The following RYR2 variants were observed in gnomAD, a reference collection of about 807,000 sequenced individuals.
RYR2 encodes the protein ryanodine receptor 2, also known as cardiac muscle ryanodine receptor-calcium release channel.
Under a neutral mutation model 601.1 loss-of-function variants are expected in RYR2, and 227 were observed. That is an observed-to-expected ratio of 0.38 (90% CI 0.34 to 0.42). RYR2 has a LOEUF of 0.42. RYR2 is among the 10% of genes least tolerant of loss of function. The pLI, the probability that RYR2 is intolerant of heterozygous loss-of-function variation, is 1.00. For missense variants in RYR2, 4,646 were observed against 6,156.5 expected, an observed-to-expected ratio of 0.75 and a Z score of 8.21; for synonymous variants, 2,223 against 2,175.1, an observed-to-expected ratio of 1.02 and a Z score of -0.61.
chr1:237,333,758 T>A (rs1302394659), intron 3 of RYR2: 6 of 354,812 alleles, frequency 1.7e-5, no homozygotes, highest in Non-Finnish European at 2.2e-5. Context: ...ATGGGGAATT[T>A]TTTTATCAAT....
chr1:237,122,932 A>G (rs1255842498), intron 1 of RYR2, among the ~76,000 whole-genome samples: 1 of 152,232 alleles, frequency 6.6e-6, no homozygotes, highest in Non-Finnish European at 1.5e-5. Flanking sequence ...AAGGGCTACA[A>G]TAAAATTTTC....
At position 237,700,435 on chromosome 1, in the gene RYR2, T is replaced by C. The variant is rs776735990; in HGVS notation, c.9335T>C (p.Ile3112Thr). 2 of 1,600,930 alleles carry C rather than the reference T, an allele frequency of 1.2e-6. No individual in the cohort carries two copies. Among genetic ancestry groups the C allele is most frequent in the East Asian group, 2.2e-5 (1 of 44,736 alleles). ...ATGCTGTCTTCATTATTTGAACATA[T>C]TGGCCAGCATCAGTTCGGAGAAGAC... is the stretch of plus-strand genomic sequence containing the variant. ...LPMLSSLFEHIGQHQFGEDLI... is the reference protein window; with the variant it reads ...LPMLSSLFEHTGQHQFGEDLI... The change falls in exon 65 of 105, where the codon ATT becomes ACT. Residue 3112 changes from isoleucine to threonine, a missense_variant. Ile to Thr is a moderately conservative substitution (Grantham distance 89). Transcript: ENST00000366574.
At chr1:237,325,837 TTTTTATGTGTGA>T (rs1387298046) in intron 2 of RYR2, among the ~76,000 whole-genome samples, 2 of 152,144 alleles carry the variant, frequency 1.3e-5, no homozygotes, top group East Asian at 1.9e-4. Flanking sequence ...CAAGGAGATG[TTTTTATGTGTGA>T]TTTTATGTGT....
At chr1:237,607,383 T>G (rs1677252695) in intron 35 of RYR2, among the ~76,000 whole-genome samples, 1 of 151,346 alleles carries the variant, frequency 6.6e-6, no homozygotes, top group Non-Finnish European at 1.5e-5. Context: ...ATGAAAACAC[T>G]TGGACACAGG....
At chr1:237,131,948 T>C (rs1672217126) in intron 1 of RYR2, among the ~76,000 whole-genome samples, 1 of 152,088 alleles carries the variant, frequency 6.6e-6, no homozygotes, top group African/African-American at 2.4e-5. Context: ...GGTCTCAAAC[T>C]CCTGGGCCCA....
intron 1 of RYR2, among the ~76,000 whole-genome samples, chr1:237,218,767 A>C (rs942525339): frequency 1.3e-5 from 2 of 152,094 alleles, no homozygotes; most frequent in African/African-American, 4.8e-5. Flanking sequence ...GGCTCCCCTC[A>C]TACAGTCAAG....
chr1:237,099,819 C>T (rs370647488), intron 1 of RYR2, among the ~76,000 whole-genome samples: 126 of 145,636 alleles, frequency 8.7e-4, no homozygotes, highest in African/African-American at 3.0e-3. Flanking sequence ...TTAATCTTTC[C>T]CCAAATATTA....
At position 237,777,662 on chromosome 1, in the gene RYR2, C is replaced by T. The variant is rs552426272; in HGVS notation, c.11776-1004C>T. On this transcript the variant is annotated intron_variant, in intron 87 of 104. Transcript: ENST00000366574. ...AAATTGGCTCCATGAAAACAGTCTGCGTGCTACAGCGGATCCACCCTAGTA... is the reference window on the plus strand; with the variant it reads ...AAATTGGCTCCATGAAAACAGTCTGTGTGCTACAGCGGATCCACCCTAGTA... 1.3e-4 allele frequency among the ~76,000 whole-genome samples: 20 copies of T among 152,140 alleles called. 1 individual carries two copies. Among genetic ancestry groups the T allele is most frequent in the African/African-American group, 2.4e-4 (10 of 41,432 alleles).
At chr1:237,328,803 G>T (rs1696414536) in intron 2 of RYR2, among the ~76,000 whole-genome samples, 1 of 152,112 alleles carries the variant, frequency 6.6e-6, no homozygotes. Context: ...AATGGTAGAG[G>T]TTCAATTTAA....
At chr1:237,264,406 T>C (rs1688832808) in intron 1 of RYR2, among the ~76,000 whole-genome samples, 1 of 152,200 alleles carries the variant, frequency 6.6e-6, no homozygotes, top group Non-Finnish European at 1.5e-5. Context: ...CAGTTCCTTA[T>C]TTGGCCAATC....
intron 12 of RYR2, among the ~76,000 whole-genome samples, chr1:237,425,044 A>G (rs1706004296): frequency 6.6e-6 from 1 of 152,206 alleles, no homozygotes; most frequent in Admixed American, 6.5e-5. Context: ...AAACATATTC[A>G]TTATTTAGAG....
intron 44 of RYR2, among the ~76,000 whole-genome samples, chr1:237,637,519 A>G (rs1365770291): frequency 6.6e-6 from 1 of 152,250 alleles, no homozygotes; most frequent in African/African-American, 2.4e-5. Context: ...AAGTAAAAGT[A>G]ACTGCTCAAA....
At chr1:237,062,039 G>A (rs937880042) in intron 1 of RYR2, among the ~76,000 whole-genome samples, 3 of 152,174 alleles carry the variant, frequency 2.0e-5, no homozygotes, top group East Asian at 1.9e-4. Context: ...AGTAAGTCAG[G>A]TGGCTGTAAG....
chr1:237,194,615 A>T (rs968713560), intron 1 of RYR2, among the ~76,000 whole-genome samples: 2 of 152,124 alleles, frequency 1.3e-5, no homozygotes, highest in African/African-American at 4.8e-5. Context: ...CTGCCCACCA[A>T]TGTAGACTCT....
chr1:237,796,205 T>C (rs900292251), intron 96 of RYR2, among the ~76,000 whole-genome samples: 13 of 152,048 alleles, frequency 8.5e-5, no homozygotes, highest in African/African-American at 2.9e-4. Flanking sequence ...TGGTTTTAAA[T>C]AGATAATTTG....
chr1:237,297,161 T>G (rs977260022), intron 2 of RYR2, among the ~76,000 whole-genome samples: 7 of 152,198 alleles, frequency 4.6e-5, no homozygotes, highest in South Asian at 2.1e-4. Flanking sequence ...TATTGTCATA[T>G]TTCTTATGGG....
chr1:237,832,782 T>C lies in RYR2; in HGVS notation c.*135T>C, dbSNP rs1663951345. 7 of 558,016 alleles carry C rather than the reference T, an allele frequency of 1.3e-5. No homozygotes were observed. The highest frequency in any genetic ancestry group is 1.9e-5 in the Non-Finnish European group (6 of 312,556). The allele number at this position is 558,016 out of a possible 1,614,324, so 34.6% of individuals were successfully genotyped here. Reference sequence around the variant, plus strand: ...GTGTGTTTTCTGGGAGCATCGAAGCTCTGTTTCGGAAGAGCTGTTTCCTCC... The same window carrying C: ...GTGTGTTTTCTGGGAGCATCGAAGCCCTGTTTCGGAAGAGCTGTTTCCTCC... On this transcript the variant is annotated 3_prime_UTR_variant, in exon 105 of 105. Transcript: ENST00000366574.
At chr1:237,197,949 G>T (rs1246421907) in intron 1 of RYR2, among the ~76,000 whole-genome samples, 3 of 152,176 alleles carry the variant, frequency 2.0e-5, no homozygotes, top group East Asian at 1.9e-4. Context: ...AGCTGATTTG[G>T]TCAATCATAG....
intron 44 of RYR2, among the ~76,000 whole-genome samples, chr1:237,636,821 A>C (rs192191127): frequency 2.0e-4 from 30 of 152,338 alleles, no homozygotes; most frequent in African/African-American, 5.5e-4. Flanking sequence ...TAACACTGTG[A>C]TATACCCATA....
Sources: gnomAD v4.1 joint callset for allele counts (sites outside exome capture counted in the v4.1 genomes callset) on GRCh38, gnomAD v4.1.1 for gene constraint, MANE v1.5 for transcripts, NCBI Gene and HGNC (gene_info 2026-07-23, HGNC 2026-07-21) for gene names.